Variants in NTM observed in about 807,000 individuals in gnomAD.
NTM encodes IgLON family member 2.
NTM carries 13 observed loss-of-function variants against 42.1 expected under a neutral mutation model. The ratio of observed to expected loss-of-function variants is 0.31; its 90% confidence interval spans 0.20 to 0.49. The LOEUF is 0.49. Ranked by LOEUF, NTM falls within the 20% of genes least tolerant of loss-of-function variation. The pLI is 0.99. For missense variants in NTM, 373 were observed against 452.8 expected, an observed-to-expected ratio of 0.82 and a Z score of 1.60; for synonymous variants, 187 against 179.2, an observed-to-expected ratio of 1.04 and a Z score of -0.35.
intron 1 of NTM, among the ~76,000 whole-genome samples, chr11:131,909,540 C>A (rs1419200226): frequency 6.6e-6 from 1 of 152,214 alleles, no homozygotes; most frequent in East Asian, 1.9e-4. Context: ...GCCTCCTCTC[C>A]ATCCCCAAGG....
At chr11:131,929,330 G>A (rs953974267) in intron 2 of NTM, among the ~76,000 whole-genome samples, 1 of 152,200 alleles carries the variant, frequency 6.6e-6, no homozygotes, top group East Asian at 1.9e-4. Flanking sequence ...CAACGGGGGG[G>A]CACATGTGGG....
intron 2 of NTM, among the ~76,000 whole-genome samples, chr11:131,949,922 G>A (rs549720303): frequency 6.6e-6 from 1 of 152,060 alleles, no homozygotes; most frequent in Admixed American, 6.5e-5. Context: ...CTGACACTTT[G>A]CACACTTACT....
rs574141186 is a variant in NTM at position 131,891,927 on chromosome 11, A to G, written c.83-19637A>G. Among the ~76,000 whole-genome samples the G allele has an allele frequency of 5.3e-5, 8 of 152,236 alleles. No individual in the cohort carries two copies. In the South Asian group the frequency reaches 1.7e-3, roughly 32 times the overall value. ...CTTTGTAAATTATCTCTGTTATCCT[A>G]TCTAAACACTTCTTACTCTCTAAAA... On this transcript the variant is annotated intron_variant, in intron 1 of 8. Transcript: ENST00000683400.
At chr11:132,138,579 T>TATC (rs199830815) in intron 2 of NTM, among the ~76,000 whole-genome samples, 43,739 of 94,980 alleles carry the variant, frequency 0.46, 6,749 homozygotes, top group Non-Finnish European at 0.51. Context: ...TCTATCTATC[T>TATC]ATCTATCTAT....
intron 1 of NTM, among the ~76,000 whole-genome samples, chr11:131,610,407 C>G (rs998732741): frequency 3.9e-5 from 6 of 152,174 alleles, no homozygotes; most frequent in African/African-American, 1.2e-4. Context: ...GGGCTTTTGG[C>G]CCACGGAATT....
At chr11:131,649,860 T>C (rs2066252272) in intron 1 of NTM, among the ~76,000 whole-genome samples, 1 of 152,200 alleles carries the variant, frequency 6.6e-6, no homozygotes, top group Non-Finnish European at 1.5e-5. Flanking sequence ...TTTTGCAAAG[T>C]TAGCATTTCC....
At chr11:132,051,275 G>A (rs1323291039) in intron 2 of NTM, among the ~76,000 whole-genome samples, 1 of 152,114 alleles carries the variant, frequency 6.6e-6, no homozygotes, top group Admixed American at 6.5e-5. Flanking sequence ...AATCCTTAGA[G>A]TAACCCTGTG....
intron 1 of NTM, among the ~76,000 whole-genome samples, chr11:131,554,818 ACTTTG>A (rs1192079769): frequency 6.6e-6 from 1 of 152,068 alleles, no homozygotes; most frequent in African/African-American, 2.4e-5. Flanking sequence ...GCTTGGATGC[ACTTTG>A]CTTTGCCTTC....
intron 2 of NTM, among the ~76,000 whole-genome samples, chr11:132,045,345 G>T (rs1303447341): frequency 6.6e-6 from 1 of 152,154 alleles, no homozygotes; most frequent in Non-Finnish European, 1.5e-5. Flanking sequence ...AGGAATGAGG[G>T]GGAGAAGCTG....
chr11:131,401,828 A>ATATGTG (rs1565465510), intron 1 of NTM, among the ~76,000 whole-genome samples: 8 of 53,368 alleles, frequency 1.5e-4, no homozygotes, highest in African/African-American at 3.1e-4. Flanking sequence ...ATATATATAT[A>ATATGTG]TATATATATA....
chr11:131,798,474 T>C (rs1362763811), intron 1 of NTM, among the ~76,000 whole-genome samples: 1 of 152,216 alleles, frequency 6.6e-6, no homozygotes, highest in African/African-American at 2.4e-5. Flanking sequence ...GTCTAAAGCC[T>C]GACTACAAAG....
At chr11:132,066,370 T>A (rs1431526448) in intron 2 of NTM, among the ~76,000 whole-genome samples, 1 of 152,218 alleles carries the variant, frequency 6.6e-6, no homozygotes, top group Non-Finnish European at 1.5e-5. Context: ...TGGATATTCA[T>A]CTGGACCCTT....
intron 1 of NTM, among the ~76,000 whole-genome samples, chr11:131,739,187 CT>C (rs202211213): frequency 0.01 from 1,490 of 144,022 alleles, 24 homozygotes; most frequent in African/African-American, 0.032. Context: ...CACAAGTTTT[CT>C]TTTTTTTTTT....
chr11:132,308,355 A>G (rs1565442165), intron 5 of NTM, among the ~76,000 whole-genome samples: 2 of 152,360 alleles, frequency 1.3e-5, no homozygotes, highest in South Asian at 4.1e-4. Flanking sequence ...AGGATGTAAC[A>G]ATAAATTTGC....
intron 1 of NTM, among the ~76,000 whole-genome samples, chr11:131,540,243 C>A (rs1427681866): frequency 7.3e-6 from 1 of 136,904 alleles, no homozygotes; most frequent in Non-Finnish European, 1.5e-5. Context: ...TGGCTCACTG[C>A]AACATCCGCC....
chr11:131,940,079 C>T (rs2059633502), intron 2 of NTM, among the ~76,000 whole-genome samples: 1 of 152,226 alleles, frequency 6.6e-6, no homozygotes, highest in African/African-American at 2.4e-5. Context: ...AAACACCTCC[C>T]TTCAGAGAGC....
chr11:131,761,684 C>T (rs1274967767), intron 1 of NTM, among the ~76,000 whole-genome samples: 1 of 152,026 alleles, frequency 6.6e-6, no homozygotes, highest in Non-Finnish European at 1.5e-5. Flanking sequence ...TGGCGCATCC[C>T]TGTAATCCCA....
chr11:131,834,616 A>G (rs1565610106), intron 1 of NTM, among the ~76,000 whole-genome samples: 1 of 92,452 alleles, frequency 1.1e-5, no homozygotes, highest in African/African-American at 4.4e-5. Context: ...GTGTATATAT[A>G]TACATATACA....
At chr11:131,381,608 TC>T (rs1942689617) in intron 1 of NTM, among the ~76,000 whole-genome samples, 1 of 152,194 alleles carries the variant, frequency 6.6e-6, no homozygotes, top group Non-Finnish European at 1.5e-5. Context: ...AATAATTAAA[TC>T]CAGAAGCTTT....
Sources: allele counts gnomAD v4.1 joint callset (sites outside exome capture counted in the v4.1 genomes callset), GRCh38; gene constraint gnomAD v4.1.1; transcripts MANE v1.5; gene names NCBI Gene and HGNC (gene_info 2026-07-23, HGNC 2026-07-21).